GMDS: variants seen among roughly 807,000 people sequenced by gnomAD.
GMDS encodes the protein GDP-mannose 4,6 dehydratase.
GMDS carries 20 observed loss-of-function variants against 49.9 expected under a neutral mutation model. That is an observed-to-expected ratio of 0.40 (90% CI 0.28 to 0.58). GMDS has a LOEUF of 0.58. Ranked by LOEUF, GMDS falls within the 20% of genes least tolerant of loss-of-function variation. GMDS has a pLI of 0.42. For missense variants in GMDS, 362 were observed against 481.4 expected (o/e 0.75, Z 2.32); for synonymous variants, 177 against 178.6 (o/e 0.99, Z 0.07).
intron 1 of GMDS, among the ~76,000 whole-genome samples, chr6:2,173,429 G>A (rs1273682492): frequency 6.6e-6 from 1 of 152,176 alleles, no homozygotes; most frequent in Admixed American, 6.5e-5. Context: ...AATACCAGAT[G>A]CTTCCATGTT....
chr6:2,027,890 A>T (rs1768698537), intron 4 of GMDS, among the ~76,000 whole-genome samples: 1 of 152,204 alleles, frequency 6.6e-6, no homozygotes, highest in Non-Finnish European at 1.5e-5. Flanking sequence ...TTCTATCATG[A>T]TACAATATAT....
At chr6:1,713,392 C>A (rs1561750440) in intron 9 of GMDS, among the ~76,000 whole-genome samples, 1 of 152,220 alleles carries the variant, frequency 6.6e-6, no homozygotes, top group Admixed American at 6.5e-5. Context: ...TCCTGGCACC[C>A]ACCACCGGCC....
intron 7 of GMDS, among the ~76,000 whole-genome samples, chr6:1,892,965 C>G (rs950751320): frequency 1.3e-5 from 2 of 152,148 alleles, no homozygotes; most frequent in African/African-American, 4.8e-5. Flanking sequence ...GAGTTCCACA[C>G]TAGCTCCTTG....
chr6:2,100,783 T>C (rs1773878986), intron 4 of GMDS, among the ~76,000 whole-genome samples: 1 of 152,038 alleles, frequency 6.6e-6, no homozygotes, highest in Non-Finnish European at 1.5e-5. Flanking sequence ...GAATTAAGAT[T>C]ACTTACAGTG....
At chr6:2,047,516 C>T (rs1462835124) in intron 4 of GMDS, among the ~76,000 whole-genome samples, 4 of 152,044 alleles carry the variant, frequency 2.6e-5, no homozygotes, top group East Asian at 1.9e-4. Flanking sequence ...GACGGAGTTT[C>T]GCTCTTGTTG....
intron 9 of GMDS, among the ~76,000 whole-genome samples, chr6:1,697,438 A>C (rs1765382193): frequency 6.6e-6 from 1 of 152,204 alleles, no homozygotes; most frequent in African/African-American, 2.4e-5. Context: ...ACAGCTGGTC[A>C]CCCTGTCAAT....
chr6:1,629,320 GCTGT>G (rs1762930190), intron 9 of GMDS, among the ~76,000 whole-genome samples: 1 of 152,150 alleles, frequency 6.6e-6, no homozygotes. Context: ...TTCCCTTACT[GCTGT>G]CTATCCACAC....
At chr6:2,192,425 T>TA (rs1182481524) in intron 1 of GMDS, among the ~76,000 whole-genome samples, 1 of 152,204 alleles carries the variant, frequency 6.6e-6, no homozygotes, top group Non-Finnish European at 1.5e-5. Context: ...ATGGCAAGGC[T>TA]AAAAGAGCTG....
chr6:1,631,897 C>T (rs1354657767), intron 9 of GMDS, among the ~76,000 whole-genome samples: 1 of 152,154 alleles, frequency 6.6e-6, no homozygotes, highest in Admixed American at 6.5e-5. Flanking sequence ...TATCTGTTAG[C>T]AAATTTTTGG....
intron 4 of GMDS, among the ~76,000 whole-genome samples, chr6:2,018,818 A>C (rs557464238): frequency 6.6e-6 from 1 of 152,242 alleles, no homozygotes; most frequent in African/African-American, 2.4e-5. Flanking sequence ...TTTTTCTATG[A>C]ATATGCATTT....
rs182581630 is a variant in GMDS at position 2,084,384 on chromosome 6, T to C, written c.345+31387A>G. On this transcript the variant is annotated intron_variant, in intron 4 of 10. Transcript: ENST00000380815. ...GACTCACATTTGACAAGCTGCTTAT[T>C]TGTTCAAGTAGCAGATGATGATCAA... Among the ~76,000 whole-genome samples the C allele has an allele frequency of 3.3e-5, 5 of 152,312 alleles. No individual in the cohort carries two copies. In the East Asian group the frequency reaches 5.8e-4, roughly 18 times the overall value.
intron 6 of GMDS, among the ~76,000 whole-genome samples, chr6:1,944,419 G>A (rs1488525708): frequency 6.6e-6 from 1 of 151,960 alleles, no homozygotes; most frequent in Admixed American, 6.6e-5. Flanking sequence ...GCAGGAGAAT[G>A]GCGTGAATCT....
intron 7 of GMDS, among the ~76,000 whole-genome samples, chr6:1,791,608 C>A (rs949810987): frequency 2.0e-5 from 3 of 152,178 alleles, no homozygotes; most frequent in African/African-American, 7.2e-5. Context: ...CAGTCCACAG[C>A]AGTGTTGTTT....
At chr6:2,071,830 C>T (rs1772022234) in intron 4 of GMDS, among the ~76,000 whole-genome samples, 1 of 152,150 alleles carries the variant, frequency 6.6e-6, no homozygotes, top group African/African-American at 2.4e-5. Flanking sequence ...ACGGTCCAAG[C>T]TCGAGCTGCT....
At chr6:1,828,521 T>C (rs973302752) in intron 7 of GMDS, among the ~76,000 whole-genome samples, 4 of 152,108 alleles carry the variant, frequency 2.6e-5, no homozygotes, top group Non-Finnish European at 5.9e-5. Flanking sequence ...AAGGTAAAGA[T>C]GGAATCTTAA....
At chr6:2,044,117 C>T (rs1769850340) in intron 4 of GMDS, among the ~76,000 whole-genome samples, 1 of 152,122 alleles carries the variant, frequency 6.6e-6, no homozygotes. Context: ...TGCTGGTGGG[C>T]ATATAAATTG....
In GMDS at chr6:1,833,641, T is replaced by C. The variant is rs1756783799; in HGVS notation, c.772-91055A>G. On this transcript the variant is annotated intron_variant, in intron 7 of 10. Transcript: ENST00000380815. This position sits in a 1 kb window ranked among gnomAD's most constrained non-coding sequence, Gnocchi z 4.4. The stretch of plus-strand genomic sequence containing the variant: ...CAAGTCTTTGTGCAGAAAACAAAAC[T>C]TCACACCCCACACATATTTTGGATG... 6.6e-6 allele frequency among the ~76,000 whole-genome samples: 1 copy of C among 152,092 alleles called. No homozygotes were observed. Among genetic ancestry groups the C allele is most frequent in the African/African-American group, 2.4e-5 (1 of 41,412 alleles).
At chr6:1,992,026 G>C (rs1228530298) in intron 4 of GMDS, among the ~76,000 whole-genome samples, 1 of 152,232 alleles carries the variant, frequency 6.6e-6, no homozygotes, top group Non-Finnish European at 1.5e-5. Context: ...CTGCTTCAAA[G>C]GGAGCACAGC....
intron 7 of GMDS, among the ~76,000 whole-genome samples, chr6:1,862,982 T>C (rs1165820191): frequency 1.3e-5 from 2 of 152,256 alleles, no homozygotes; most frequent in African/African-American, 2.4e-5. Context: ...TAATTCATTA[T>C]GAGTAATAAC....
Sources: gnomAD v4.1 joint callset for allele counts (sites outside exome capture counted in the v4.1 genomes callset) on GRCh38, gnomAD v4.1.1 for gene constraint, Gnocchi (gnomAD v3.1) non-coding constraint, MANE v1.5 for transcripts, NCBI Gene and HGNC (gene_info 2026-07-23, HGNC 2026-07-21) for gene names.